Variants in EYA2 observed in about 807,000 individuals in gnomAD.
The protein encoded by EYA2 is EYA transcriptional coactivator and phosphatase 2.
EYA2 carries 31 observed loss-of-function variants against 69.2 expected under a neutral mutation model. The ratio of observed to expected loss-of-function variants is 0.45; its 90% confidence interval spans 0.34 to 0.60. The LOEUF (loss-of-function observed/expected upper bound fraction) is 0.60, where lower values mean the gene tolerates loss of function less well. EYA2 is among the 20% of genes least tolerant of loss of function. EYA2 has a pLI of 0.02. For missense variants in EYA2, 622 were observed against 701.2 expected (o/e 0.89, Z 1.28); for synonymous variants, 257 against 279.4 (o/e 0.92, Z 0.80).
At chr20:46,945,039 G>A (rs1978369694) in intron 1 of EYA2, among the ~76,000 whole-genome samples, 1 of 152,086 alleles carries the variant, frequency 6.6e-6, no homozygotes, top group African/African-American at 2.4e-5. Context: ...GGGAGGTAGA[G>A]GTTGCAGTGA....
intron 1 of EYA2, among the ~76,000 whole-genome samples, chr20:46,969,876 T>G (rs1264101114): frequency 6.6e-6 from 1 of 152,220 alleles, no homozygotes; most frequent in Non-Finnish European, 1.5e-5. Context: ...CAAACATCAT[T>G]ATAATATAAT....
At chr20:47,097,251 C>T (rs1478939112) in intron 9 of EYA2, 83 bp downstream of exon 9, 1 of 1,125,214 alleles carries the variant, frequency 8.9e-7, no homozygotes. Context: ...ATTGTGCGGA[C>T]AGTTTATGAG....
intron 10 of EYA2, among the ~76,000 whole-genome samples, chr20:47,164,755 G>A (rs151189852): frequency 1.3e-5 from 2 of 152,160 alleles, no homozygotes; most frequent in Non-Finnish European, 2.9e-5. Context: ...GCTGAAGGAG[G>A]TAGCTGAAAA....
intron 5 of EYA2, among the ~76,000 whole-genome samples, chr20:47,063,422 TGTGTGTG>T (rs1388534404): frequency 7.9e-5 from 12 of 151,236 alleles, no homozygotes; most frequent in Non-Finnish European, 2.9e-5. Context: ...TGTGTGTGTG[TGTGTGTG>T]TTTTGAGACA....
At chr20:47,042,051 C>G (rs1209714020) in intron 5 of EYA2, among the ~76,000 whole-genome samples, 1 of 151,998 alleles carries the variant, frequency 6.6e-6, no homozygotes, top group African/African-American at 2.4e-5. Flanking sequence ...AGCCAAGTAT[C>G]CAAATCTGAA....
intron 1 of EYA2, among the ~76,000 whole-genome samples, chr20:46,914,952 CAG>C (rs1420076318): frequency 3.3e-5 from 5 of 152,250 alleles, no homozygotes; most frequent in South Asian, 4.2e-4. Context: ...AGTATGGGGA[CAG>C]GGGGCCGTGC....
intron 1 of EYA2, among the ~76,000 whole-genome samples, chr20:46,977,861 G>A (rs1341430067): frequency 6.6e-6 from 1 of 152,198 alleles, no homozygotes; most frequent in Non-Finnish European, 1.5e-5. Context: ...CAGGAGGAGG[G>A]ATTTGTGATC....
chr20:47,001,452 G>T lies in EYA2; in HGVS notation c.134G>T (p.Arg45Ile). The T allele has an allele frequency of 1.9e-6, 3 of 1,614,152 alleles. No homozygotes were observed. The highest frequency in any genetic ancestry group is 2.5e-6 in the Non-Finnish European group (3 of 1,180,028). ...RQGITKSAPL[R>I]VSQLFSRSCP... ...GGCATCACCAAATCGGCCCCCCTGA[G>T]AGTGTCCCAGCTCTTCTCCAGGTGA... The change falls in exon 3 of 16, where the codon AGA becomes ATA. Residue 45 changes from arginine to isoleucine, a missense_variant. By Grantham distance (97) the Arg-to-Ile change is moderately conservative. Transcript: ENST00000327619.
chr20:46,919,265 T>G (rs1233127374), intron 1 of EYA2, among the ~76,000 whole-genome samples: 1 of 152,268 alleles, frequency 6.6e-6, no homozygotes, highest in Non-Finnish European at 1.5e-5. Flanking sequence ...TTTGAGGCTG[T>G]GAAGTCAACC....
chr20:47,003,859 T>C (rs1220135646), intron 3 of EYA2, among the ~76,000 whole-genome samples: 1 of 152,246 alleles, frequency 6.6e-6, no homozygotes, highest in Non-Finnish European at 1.5e-5. Flanking sequence ...TTTACCACTT[T>C]GTAGCTGTGT....
intron 5 of EYA2, among the ~76,000 whole-genome samples, chr20:47,045,345 G>A (rs981338017): frequency 1.3e-5 from 2 of 152,176 alleles, no homozygotes; most frequent in African/African-American, 4.8e-5. Flanking sequence ...CTAAGGAAAA[G>A]AAGGTGGAAA....
At chr20:47,079,726 G>C (rs899866341) in intron 7 of EYA2, among the ~76,000 whole-genome samples, 1 of 152,100 alleles carries the variant, frequency 6.6e-6, no homozygotes, top group African/African-American at 2.4e-5. Flanking sequence ...ATACTATACA[G>C]CTGTTAAAAA....
At chr20:47,156,047 CACACATATATATACAT>C (rs1243201624) in intron 10 of EYA2, among the ~76,000 whole-genome samples, 2 of 90,340 alleles carry the variant, frequency 2.2e-5, no homozygotes, top group African/African-American at 1.1e-4. Flanking sequence ...CACACACACA[CACACATATATATACAT>C]ACACACACAC....
chr20:46,955,382 A>G (rs1310507815), intron 1 of EYA2, among the ~76,000 whole-genome samples: 4 of 152,230 alleles, frequency 2.6e-5, no homozygotes, highest in African/African-American at 9.6e-5. Flanking sequence ...CTGAATAAAT[A>G]TAAGGACCAC....
intron 1 of EYA2, among the ~76,000 whole-genome samples, chr20:46,941,618 T>C (rs899154458): frequency 3.9e-5 from 6 of 152,192 alleles, no homozygotes; most frequent in Admixed American, 3.3e-4. Flanking sequence ...TTACCTTCCC[T>C]CTCTGTGCCT....
rs1318639494 is a variant in EYA2 at position 47,157,231 on chromosome 20, G to A, written c.979-11908G>A. Among the ~76,000 whole-genome samples the A allele has an allele frequency of 1.1e-4, 17 of 151,630 alleles. 2 individuals are homozygous for A. In the East Asian group the frequency reaches 3.4e-3, roughly 30 times the overall value. On this transcript the variant is annotated intron_variant, in intron 10 of 15. Transcript: ENST00000327619. The stretch of plus-strand genomic sequence containing the variant: ...TTAGCCAGGCATAGTGGTGCACGCT[G>A]TAGTCCCAGCTACTCAGGAGGCTGA...
At chr20:47,015,106 A>G (rs1983329759) in intron 4 of EYA2, among the ~76,000 whole-genome samples, 1 of 152,188 alleles carries the variant, frequency 6.6e-6, no homozygotes, top group Admixed American at 6.5e-5. Context: ...TATGCACAGA[A>G]CCTGTCTGGA....
At chr20:47,014,670 G>GTGT (rs1555812540) in intron 4 of EYA2, among the ~76,000 whole-genome samples, 2 of 144,172 alleles carry the variant, frequency 1.4e-5, no homozygotes, top group Admixed American at 7.0e-5. Flanking sequence ...GTGTGTGTGT[G>GTGT]GTGTGATGAC....
chr20:47,187,994 C>G (rs775366056), intron 15 of EYA2, 59 bp from the exon 16 acceptor site: 1 of 1,524,514 alleles, frequency 6.6e-7, no homozygotes, highest in Admixed American at 2.0e-5. Context: ...TAACCACAGG[C>G]GTGGAACCCG....
Sources: allele counts gnomAD v4.1 joint callset (sites outside exome capture counted in the v4.1 genomes callset), GRCh38; gene constraint gnomAD v4.1.1; transcripts MANE v1.5; gene names NCBI Gene and HGNC (gene_info 2026-07-23, HGNC 2026-07-21).